TMEM250: variants seen among roughly 807,000 people sequenced by gnomAD.
The protein encoded by TMEM250 is herpes virus UL25-binding protein.
TMEM250 carries 7 observed loss-of-function variants against 7.0 expected under a neutral mutation model. That is an observed-to-expected ratio of 1.00 (90% confidence interval 0.57 to 1.87). The LOEUF is 1.87. Ranked by LOEUF, TMEM250 falls within the 40% of genes most tolerant of loss-of-function variation. TMEM250 has a pLI of 0.00. For missense variants in TMEM250, 196 were observed against 202.5 expected, an observed-to-expected ratio of 0.97 and a Z score of 0.19; for synonymous variants, 135 against 96.7, an observed-to-expected ratio of 1.40 and a Z score of -2.32.
At position 136,116,705 on chromosome 9, in the gene TMEM250, T is replaced by C; in HGVS notation, c.196A>G (p.Thr66Ala). ...FLLYFSCSLF[T>A]AALWGALAAL... is the part of the protein sequence containing the mutation. Reference sequence around the variant, plus strand: ...GCCAGCGCACCCCAGAGCGCCGCAGTGAACAGGCTGCAGCTAAAGTAGAGT... The same window carrying C: ...GCCAGCGCACCCCAGAGCGCCGCAGCGAACAGGCTGCAGCTAAAGTAGAGT... Residue 66 changes from threonine to alanine, a missense_variant, in exon 2 of 2, where the codon ACT (threonine) becomes GCT (alanine). Thr to Ala is a moderately conservative substitution (Grantham distance 58, BLOSUM62 0). Coordinates refer to ENST00000418388, the MANE Select transcript of TMEM250 (RefSeq NM_152833.3). 6.2e-7 allele frequency: 1 copy of C among 1,612,442 alleles called. No individual in the cohort carries two copies. The highest frequency in any genetic ancestry group is 8.5e-7 in the Non-Finnish European group (1 of 1,179,742).
intron 1 of TMEM250, among the ~76,000 whole-genome samples, chr9:136,117,305 G>A (rs1413534837): frequency 6.6e-6 from 1 of 152,238 alleles, no homozygotes; most frequent in Non-Finnish European, 1.5e-5. Flanking sequence ...CCCGGAAGTG[G>A]TCAATGCCAA....
rs1830676695 is a variant in TMEM250 at position 136,115,119 on chromosome 9, G to A, written c.*1362C>T. On this transcript the variant is annotated 3_prime_UTR_variant, in exon 2 of 2. Transcript: ENST00000418388. The stretch of plus-strand genomic sequence containing the variant: ...GGGTCACAAGTCCCACCCATGCCCA[G>A]AGTGTGGGGACATGGATTTGAGGTG... 6.6e-6 allele frequency: 1 copy of A among 152,274 alleles called. No individual in the cohort carries two copies. Among genetic ancestry groups the A allele is most frequent in the African/African-American group, 2.4e-5 (1 of 41,452 alleles). The allele number at this position is 152,274 out of a possible 1,614,324, so 9.4% of individuals were successfully genotyped here. A position where few individuals can be genotyped will look rare whatever the true frequency, so the allele number is the denominator to read the frequency against.
At chr9:136,117,096 G>A in intron 1 of TMEM250, 72 bp from the exon 2 acceptor site, 1 of 935,874 alleles carries the variant, frequency 1.1e-6, no homozygotes, top group Non-Finnish European at 1.4e-6. Flanking sequence ...CAATCAGCTG[G>A]CGAAAGTGGA....
chr9:136,117,008 T>TG lies in TMEM250; in HGVS notation c.-109dup. The TG allele has an allele frequency of 2.2e-6, 3 of 1,349,930 alleles. No homozygotes were observed. The highest frequency in any genetic ancestry group is 1.9e-4 in the Middle Eastern group (1 of 5,178). 83.6% of individuals were successfully genotyped at this position (1,349,930 alleles called of 1,614,324 possible). A position where few individuals can be genotyped will look rare whatever the true frequency, so the allele number is the denominator to read the frequency against. On this transcript the variant is annotated 5_prime_UTR_variant, in exon 2 of 2. It removes the in-frame stop codon of an upstream open reading frame in the 5' UTR. Coordinates refer to ENST00000418388, the MANE Select transcript of TMEM250 (RefSeq NM_152833.3). ...AGGCCTGGGAGCCCGCAGCTGACCC[T>TG]GGGGGGAGGCGTCGGCCTGCGGGGA...
Position 136,116,301 on chromosome 9 carries a change from G to A in TMEM250, c.*180C>T. 1 of 1,323,382 alleles carries A rather than the reference G, an allele frequency of 7.6e-7. No homozygotes were observed. Among genetic ancestry groups the A allele is most frequent in the Non-Finnish European group, 1.0e-6 (1 of 1,000,134 alleles). The allele number at this position is 1,323,382 out of a possible 1,614,324, so 82.0% of individuals were successfully genotyped here. A position where few individuals can be genotyped will look rare whatever the true frequency, so the allele number is the denominator to read the frequency against. ...CGGGGAGGGTGGGTCCAGGAAGCCA[G>A]CCTAGGGGTGGTGTCCGCGCCCCCA... On this transcript the variant is annotated 3_prime_UTR_variant, in exon 2 of 2. Coordinates refer to ENST00000418388, the MANE Select transcript of TMEM250 (RefSeq NM_152833.3).
chr9:136,115,942 G>A lies in TMEM250; in HGVS notation c.*539C>T, dbSNP rs529043381. On this transcript the variant is annotated 3_prime_UTR_variant, in exon 2 of 2. Transcript: ENST00000418388. ...ACACACACAGGGTGGTCCGCGGGCA[G>A]TGCCAGGCCTCAGGCGGCCCAGGGC... 5 of 399,588 alleles carry A rather than the reference G, an allele frequency of 1.3e-5. No homozygotes were observed. The highest frequency in any genetic ancestry group is 2.2e-5 in the Non-Finnish European group (5 of 229,194). 24.8% of individuals were successfully genotyped at this position (399,588 alleles called of 1,614,324 possible).
chr9:136,116,576 G>T lies in TMEM250; in HGVS notation c.325C>A (p.Arg109Ser). ...TAGACGAGCAGCTCGTTCACCAGGC[G>T]GAAGTCCACGCGCCGGCGGCCCAGC... Reference protein sequence around the residue: ...LLLGRRRVDFRLVNELLVYGI... With the variant: ...LLLGRRRVDFSLVNELLVYGI... Residue 109 changes from arginine to serine, a missense_variant, in exon 2 of 2, where the codon CGC becomes AGC. Coordinates refer to ENST00000418388, the MANE Select transcript of TMEM250 (RefSeq NM_152833.3). The T allele has an allele frequency of 1.2e-6, 2 of 1,600,512 alleles. No individual in the cohort carries two copies. The highest frequency in any genetic ancestry group is 8.5e-7 in the Non-Finnish European group (1 of 1,179,466).
chr9:136,116,027 T>TGGCTGG lies in TMEM250; in HGVS notation c.*448_*453dup, dbSNP rs565805059. On this transcript the variant is annotated 3_prime_UTR_variant, in exon 2 of 2. Coordinates refer to ENST00000418388, the MANE Select transcript of TMEM250 (RefSeq NM_152833.3). Reference sequence around the variant, plus strand: ...GCGAGGGGAGCCTTCCGTGTCCCGTTGGCTGGGGCTGGGGCCAGGGCACGC... The same window carrying TGGCTGG: ...GCGAGGGGAGCCTTCCGTGTCCCGTTGGCTGGGGCTGGGGCTGGGGCCAGGGCACGC... 2 of 408,370 alleles carry TGGCTGG rather than the reference T, an allele frequency of 4.9e-6. No individual in the cohort carries two copies. The highest frequency in any genetic ancestry group is 7.1e-5 in the East Asian group (2 of 28,328). The allele number at this position is 408,370 out of a possible 1,614,324, so 25.3% of individuals were successfully genotyped here. A position where few individuals can be genotyped will look rare whatever the true frequency, so the allele number is the denominator to read the frequency against.
Position 136,116,285 on chromosome 9 carries a change from T to G in TMEM250, c.*196A>C, listed in dbSNP as rs1588597603. On this transcript the variant is annotated 3_prime_UTR_variant, in exon 2 of 2. Transcript: ENST00000418388. The stretch of plus-strand genomic sequence containing the variant: ...CCCCTGAGAGTGCATACGGGGAGGG[T>G]GGGTCCAGGAAGCCAGCCTAGGGGT... 1 of 1,154,640 alleles carries G rather than the reference T, an allele frequency of 8.7e-7. No homozygotes were observed. The allele number at this position is 1,154,640 out of a possible 1,614,324, so 71.5% of individuals were successfully genotyped here. A position where few individuals can be genotyped will look rare whatever the true frequency, so the allele number is the denominator to read the frequency against.
At position 136,115,949 on chromosome 9, in the gene TMEM250, G is replaced by T. The variant is rs1830692723; in HGVS notation, c.*532C>A. ...CAGGGTGGTCCGCGGGCAGTGCCAG[G>T]CCTCAGGCGGCCCAGGGCAGAGTAA... is the stretch of plus-strand genomic sequence containing the variant. On this transcript the variant is annotated 3_prime_UTR_variant, in exon 2 of 2. Transcript: ENST00000418388. 3 of 402,960 alleles carry T rather than the reference G, an allele frequency of 7.4e-6. No individual in the cohort carries two copies. Among genetic ancestry groups the T allele is most frequent in the Non-Finnish European group, 1.3e-5 (3 of 229,384 alleles). The allele number at this position is 402,960 out of a possible 1,614,324, so 25.0% of individuals were successfully genotyped here.
rs1406287584 is a variant in TMEM250, at chr9:136,116,710, A to C, written c.191T>G (p.Leu64Arg). ...CGCACCCCAGAGCGCCGCAGTGAAC[A>C]GGCTGCAGCTAAAGTAGAGTAGGAA... ...IRFLLYFSCSLFTAALWGALA... is the reference protein window; with the variant it reads ...IRFLLYFSCSRFTAALWGALA... The change falls in exon 2 of 2, where the codon CTG becomes CGG. Residue 64 changes from leucine (L) to arginine (R), a missense_variant. Leu to Arg is a moderately radical substitution (Grantham distance 102). Transcript: ENST00000418388. The C allele has an allele frequency of 1.2e-6, 2 of 1,612,498 alleles. No individual in the cohort carries two copies. Among genetic ancestry groups the C allele is most frequent in the Non-Finnish European group, 1.7e-6 (2 of 1,179,754 alleles).
Position 136,116,396 on chromosome 9 carries a change from C to T in TMEM250, c.*85G>A, listed in dbSNP as rs1830700785. The T allele has an allele frequency of 2.1e-6, 3 of 1,439,160 alleles. No homozygotes were observed. The highest frequency in any genetic ancestry group is 2.5e-5 in the East Asian group (1 of 39,972). 89.1% of individuals were successfully genotyped at this position (1,439,160 alleles called of 1,614,324 possible). Reference sequence around the variant, plus strand: ...CAGCAGCGACTGCCTGGGGGATGGGCGAAGGGAAGGCGCTGGCCGACCCCA... The same window carrying T: ...CAGCAGCGACTGCCTGGGGGATGGGTGAAGGGAAGGCGCTGGCCGACCCCA... On this transcript the variant is annotated 3_prime_UTR_variant, in exon 2 of 2. Coordinates refer to ENST00000418388, the MANE Select transcript of TMEM250 (RefSeq NM_152833.3).
At position 136,116,714 on chromosome 9, in the gene TMEM250, T is replaced by C; in HGVS notation, c.187A>G (p.Ser63Gly). ...CCCCAGAGCGCCGCAGTGAACAGGCTGCAGCTAAAGTAGAGTAGGAAGCGG... is the reference window on the plus strand; with the variant it reads ...CCCCAGAGCGCCGCAGTGAACAGGCCGCAGCTAAAGTAGAGTAGGAAGCGG... ...FIRFLLYFSC[S>G]LFTAALWGAL... The change falls in exon 2 of 2, where the codon AGC becomes GGC. Residue 63 changes from serine to glycine, a missense_variant. Transcript: ENST00000418388. 6.2e-7 allele frequency: 1 copy of C among 1,612,488 alleles called. No individual in the cohort carries two copies. The highest frequency in any genetic ancestry group is 8.5e-7 in the Non-Finnish European group (1 of 1,179,746).
At position 136,116,194 on chromosome 9, in the gene TMEM250, C is replaced by T. The variant is rs1830697052; in HGVS notation, c.*287G>A. ...GAGAGAGGCCCACAGAGAGGCGGAA[C>T]GGAGGGCCCACCCCGCAGTACGACC... On this transcript the variant is annotated 3_prime_UTR_variant, in exon 2 of 2. Coordinates refer to ENST00000418388, the MANE Select transcript of TMEM250 (RefSeq NM_152833.3). The T allele has an allele frequency of 1.1e-5, 6 of 535,542 alleles. No individual in the cohort carries two copies. Among genetic ancestry groups the T allele is most frequent in the South Asian group, 3.1e-5 (1 of 32,108 alleles). 33.2% of individuals were successfully genotyped at this position (535,542 alleles called of 1,614,324 possible).
Position 136,116,058 on chromosome 9 carries a change from G to C in TMEM250, c.*423C>G. On this transcript the variant is annotated 3_prime_UTR_variant, in exon 2 of 2. Coordinates refer to ENST00000418388, the MANE Select transcript of TMEM250 (RefSeq NM_152833.3). The stretch of plus-strand genomic sequence containing the variant: ...GGGCTGGGGCCAGGGCACGCAGAAG[G>C]GGCTGTGCAGCCAGGAGGGCCCCCC... 2.4e-6 allele frequency: 1 copy of C among 416,128 alleles called. No homozygotes were observed. Among genetic ancestry groups the C allele is most frequent in the Non-Finnish European group, 4.2e-6 (1 of 236,830 alleles). The allele number at this position is 416,128 out of a possible 1,614,324, so 25.8% of individuals were successfully genotyped here.
chr9:136,117,263 G>A (rs2131217521), intron 1 of TMEM250, among the ~76,000 whole-genome samples: 1 of 152,362 alleles, frequency 6.6e-6, no homozygotes, highest in Middle Eastern at 3.4e-3. Context: ...ACTGGGGAAA[G>A]GGGGCCTTGG....
rs888332019 is a variant in TMEM250 at position 136,115,353 on chromosome 9, C to T, written c.*1128G>A. 6.6e-6 allele frequency: 1 copy of T among 152,428 alleles called. No individual in the cohort carries two copies. Among genetic ancestry groups the T allele is most frequent in the Admixed American group, 6.5e-5 (1 of 15,292 alleles). The allele number at this position is 152,428 out of a possible 1,614,324, so 9.4% of individuals were successfully genotyped here. A position where few individuals can be genotyped will look rare whatever the true frequency, so the allele number is the denominator to read the frequency against. On this transcript the variant is annotated 3_prime_UTR_variant, in exon 2 of 2. Coordinates refer to ENST00000418388, the MANE Select transcript of TMEM250 (RefSeq NM_152833.3). ...CCTCGGCCCATGGTGGCCACCCTCC[C>T]TGAACACAGGCATCTGCGCCCCTCC...
Position 136,116,267 on chromosome 9 carries a change from G to T in TMEM250, c.*214C>A. The T allele has an allele frequency of 1.0e-6, 1 of 972,558 alleles. No homozygotes were observed. 60.2% of individuals were successfully genotyped at this position (972,558 alleles called of 1,614,324 possible). A position where few individuals can be genotyped will look rare whatever the true frequency, so the allele number is the denominator to read the frequency against. ...ACCGGCAGGTGGGCGCTGCCCCTGA[G>T]AGTGCATACGGGGAGGGTGGGTCCA... On this transcript the variant is annotated 3_prime_UTR_variant, in exon 2 of 2. Transcript: ENST00000418388.
In TMEM250 at chr9:136,116,254, G is replaced by A. The variant is rs1239749952; in HGVS notation, c.*227C>T. ...GTGAGCAGGAGCCACCGGCAGGTGG[G>A]CGCTGCCCCTGAGAGTGCATACGGG... On this transcript the variant is annotated 3_prime_UTR_variant, in exon 2 of 2. Coordinates refer to ENST00000418388, the MANE Select transcript of TMEM250 (RefSeq NM_152833.3). 4.7e-6 allele frequency: 4 copies of A among 858,766 alleles called. No individual in the cohort carries two copies. Among genetic ancestry groups the A allele is most frequent in the Non-Finnish European group, 6.8e-6 (4 of 586,472 alleles). 53.2% of individuals were successfully genotyped at this position (858,766 alleles called of 1,614,324 possible).
Sources: gnomAD v4.1 joint callset for allele counts (sites outside exome capture counted in the v4.1 genomes callset) on GRCh38, gnomAD v4.1.1 for gene constraint, MANE v1.5 for transcripts, NCBI Gene and HGNC (gene_info 2026-07-23, HGNC 2026-07-21) for gene names.